NALF1: variants seen among roughly 807,000 people sequenced by gnomAD.
NALF1 encodes NALCN channel auxiliary factor 1.
NALF1 carries 3 observed loss-of-function variants against 48.4 expected under a neutral mutation model. That is an observed-to-expected ratio of 0.06 (90% confidence interval 0.03 to 0.16). NALF1 has a LOEUF of 0.16. Among genes scored for constraint, NALF1 ranks in the 10% least tolerant of loss-of-function variants. NALF1 has a pLI of 1.00. For missense variants in NALF1, 526 were observed against 571.5 expected (o/e 0.92, Z 0.81); for synonymous variants, 262 against 245.7 (o/e 1.07, Z -0.62).
At chr13:107,665,569 C>T (rs1405851097) in intron 1 of NALF1, among the ~76,000 whole-genome samples, 1 of 152,082 alleles carries the variant, frequency 6.6e-6, no homozygotes, top group Non-Finnish European at 1.5e-5. Flanking sequence ...ATATTTCCCC[C>T]TCTCCATTTC....
chr13:107,463,654 A>G (rs1453498480), intron 1 of NALF1, among the ~76,000 whole-genome samples: 2 of 152,228 alleles, frequency 1.3e-5, no homozygotes, highest in African/African-American at 4.8e-5. Context: ...TACTTATGAT[A>G]TATGACAAAA....
intron 1 of NALF1, among the ~76,000 whole-genome samples, chr13:107,273,306 A>T (rs1322206259): frequency 6.6e-6 from 1 of 152,182 alleles, no homozygotes; most frequent in Non-Finnish European, 1.5e-5. Flanking sequence ...AACCTGGCAT[A>T]AAAATACTCA....
At chr13:107,758,764 C>T (rs544274926) in intron 1 of NALF1, among the ~76,000 whole-genome samples, 3 of 152,196 alleles carry the variant, frequency 2.0e-5, no homozygotes, top group South Asian at 2.1e-4. Context: ...GTATAATTGC[C>T]AAACTTTTGG....
intron 1 of NALF1, among the ~76,000 whole-genome samples, chr13:107,803,412 T>G (rs1372027978): frequency 1.3e-5 from 2 of 152,164 alleles, no homozygotes; most frequent in Non-Finnish European, 2.9e-5. Context: ...AGTAGTAATT[T>G]TATAAGGTCC....
At chr13:107,802,630 T>C (rs1878654461) in intron 1 of NALF1, among the ~76,000 whole-genome samples, 1 of 152,104 alleles carries the variant, frequency 6.6e-6, no homozygotes, top group Non-Finnish European at 1.5e-5. Context: ...GGAAAAGAGA[T>C]GCACAGAACA....
At chr13:107,562,541 C>T (rs1566394265) in intron 1 of NALF1, among the ~76,000 whole-genome samples, 1 of 152,128 alleles carries the variant, frequency 6.6e-6, no homozygotes, top group East Asian at 1.9e-4. Context: ...CAAACGTTTC[C>T]ATTTTATTTT....
intron 1 of NALF1, among the ~76,000 whole-genome samples, chr13:107,349,226 C>T (rs1056159815): frequency 6.6e-6 from 1 of 152,192 alleles, no homozygotes; most frequent in Non-Finnish European, 1.5e-5. Flanking sequence ...CTTCATTCCC[C>T]TCCTTCCCCA....
rs929151168 is a variant in NALF1 at position 107,774,317 on chromosome 13, A to C, written c.915+91365T>G. 1.4e-4 allele frequency among the ~76,000 whole-genome samples: 22 copies of C among 152,214 alleles called. 1 individual carries two copies. Among genetic ancestry groups the C allele is most frequent in the Non-Finnish European group, 2.9e-4 (20 of 68,040 alleles). On this transcript the variant is annotated intron_variant, in intron 1 of 2. Transcript: ENST00000375915. ...GTGTCAGCTCTAAACAGATTCAAGA[A>C]ATTTATAAATCAGCTAGGGAAATGA...
chr13:107,461,241 T>C (rs1010521295), intron 1 of NALF1, among the ~76,000 whole-genome samples: 22 of 152,152 alleles, frequency 1.4e-4, no homozygotes, highest in Non-Finnish European at 3.1e-4. Context: ...TCTTGTCCAT[T>C]TTTTTACTAT....
At chr13:107,328,713 A>C (rs1209520307) in intron 1 of NALF1, among the ~76,000 whole-genome samples, 1 of 152,220 alleles carries the variant, frequency 6.6e-6, no homozygotes, top group Non-Finnish European at 1.5e-5. Flanking sequence ...TTAAAGGAAG[A>C]AATAGAAGAA....
intron 1 of NALF1, among the ~76,000 whole-genome samples, chr13:107,776,734 A>C (rs1877742118): frequency 6.6e-6 from 1 of 152,238 alleles, no homozygotes; most frequent in African/African-American, 2.4e-5. Context: ...TACACATGAA[A>C]TGTGCTTTGA....
chr13:107,451,951 C>A (rs1566348449), intron 1 of NALF1, among the ~76,000 whole-genome samples: 1 of 152,162 alleles, frequency 6.6e-6, no homozygotes, highest in Non-Finnish European at 1.5e-5. Context: ...ATCTGCAGGA[C>A]CTCTGTTTTA....
chr13:107,678,144 C>A (rs970770590), intron 1 of NALF1, among the ~76,000 whole-genome samples: 6 of 152,144 alleles, frequency 3.9e-5, no homozygotes, highest in Non-Finnish European at 5.9e-5. Context: ...AGACTATTTG[C>A]GAAGTCAGTG....
intron 1 of NALF1, among the ~76,000 whole-genome samples, chr13:107,469,449 C>T (rs1041280855): frequency 1.3e-5 from 2 of 152,234 alleles, no homozygotes; most frequent in South Asian, 2.1e-4. Flanking sequence ...CTTGGCCCTA[C>T]GTGTCCATGG....
chr13:107,518,400 A>C (rs933723811), intron 1 of NALF1, among the ~76,000 whole-genome samples: 6 of 152,084 alleles, frequency 3.9e-5, no homozygotes, highest in African/African-American at 1.4e-4. Flanking sequence ...GGGTGAGAGG[A>C]GTTTTTTTGA....
At chr13:107,351,029 TAAAATATCAG>T (rs915606897) in intron 1 of NALF1, among the ~76,000 whole-genome samples, 2 of 152,238 alleles carry the variant, frequency 1.3e-5, no homozygotes, top group Non-Finnish European at 2.9e-5. Flanking sequence ...CGTTGAACTC[TAAAATATCAG>T]TAACTATCAA....
At chr13:107,680,276 A>G (rs1881250242) in intron 1 of NALF1, among the ~76,000 whole-genome samples, 1 of 152,212 alleles carries the variant, frequency 6.6e-6, no homozygotes, top group African/African-American at 2.4e-5. Context: ...CATGACTGTG[A>G]TGACACCAGG....
chr13:107,435,643 A>G (rs539264374), intron 1 of NALF1, among the ~76,000 whole-genome samples: 15 of 152,296 alleles, frequency 9.8e-5, no homozygotes, highest in Non-Finnish European at 1.9e-4. Context: ...CTTCATTCAA[A>G]CAGGCTGATG....
intron 1 of NALF1, among the ~76,000 whole-genome samples, chr13:107,762,391 C>A (rs1877288148): frequency 6.6e-6 from 1 of 151,962 alleles, no homozygotes; most frequent in Non-Finnish European, 1.5e-5. Context: ...CAAACCTGCA[C>A]ATTGTGCACA....
Sources: allele counts gnomAD v4.1 joint callset (sites outside exome capture counted in the v4.1 genomes callset), GRCh38; gene constraint gnomAD v4.1.1; transcripts MANE v1.5; gene names NCBI Gene and HGNC (gene_info 2026-07-23, HGNC 2026-07-21).